Variants in RRP9 observed in about 807,000 individuals in gnomAD.
RRP9 encodes the protein U3 small nucleolar RNA-interacting protein 2.
Under a neutral mutation model 65.5 loss-of-function variants are expected in RRP9, and 35 were observed. The observed-to-expected ratio is 0.53, with a 90% CI of 0.41 to 0.71. The LOEUF is 0.71. Ranked by LOEUF, RRP9 falls within the 30% of genes least tolerant of loss-of-function variation. The pLI is 0.00. For missense variants in RRP9, 533 were observed against 633.6 expected (o/e 0.84, Z 1.70); for synonymous variants, 254 against 245.0 (o/e 1.04, Z -0.34).
rs755129508 is a variant in RRP9, at chr3:51,936,352, G to A, written c.643-3C>T. ...AGCTTGCTGCGGTCACCAGAGGCCT[G>A]CAGGGATGAAGACAATGATCACAGG... On this transcript the variant is annotated splice_region_variant and splice_polypyrimidine_tract_variant and intron_variant, in intron 7 of 14. Transcript: ENST00000232888. 4.3e-6 allele frequency: 7 copies of A among 1,614,080 alleles called. No individual in the cohort carries two copies. Among genetic ancestry groups the A allele is most frequent in the Non-Finnish European group, 5.9e-6 (7 of 1,180,038 alleles).
chr3:51,934,539 G>C lies in RRP9; in HGVS notation c.1193C>G (p.Ser398Cys). The change falls in exon 13 of 15, where the codon TCC (serine) becomes TGC (cysteine). Residue 398 changes from serine (S) to cysteine (C), a missense_variant. Physicochemically the swap from Ser to Cys is moderately radical, Grantham distance 112. This residue lies in a region of RRP9 where 449 missense variants were observed against 550.6 expected (regional missense o/e 0.82). Transcript: ENST00000232888. This position sits in a 1 kb window ranked among gnomAD's most constrained non-coding sequence, Gnocchi z 4.1. ...CCCACACTGCCAAAGCCGCACACAG[G>C]AGCTGTGGGAGCCTGGGGAGACTGG... ...TDLVATGSHS[S>C]CVRLWQCGEG... 1 of 1,614,106 alleles carries C rather than the reference G, an allele frequency of 6.2e-7. No homozygotes were observed. Among genetic ancestry groups the C allele is most frequent in the Non-Finnish European group, 8.5e-7 (1 of 1,179,968 alleles).
Position 51,935,741 on chromosome 3 carries a change from G to A in RRP9, c.736-49C>T, listed in dbSNP as rs1442926565. ...AAAGGGGACCTGGACTACAGCAGGC[G>A]AGAGACAGGTCAGGCCCAGGGAGGA... On this transcript the variant is annotated intron_variant, in intron 8 of 14. Coordinates refer to ENST00000232888, the MANE Select transcript of RRP9 (RefSeq NM_004704.5). The A allele has an allele frequency of 2.0e-5, 30 of 1,498,628 alleles. No individual in the cohort carries two copies. The East Asian group carries it at 2.0e-4, about 10-fold the overall frequency. 92.8% of individuals were successfully genotyped at this position (1,498,628 alleles called of 1,614,324 possible).
chr3:51,934,604 C>T lies in RRP9; in HGVS notation c.1180+27G>A. 1 of 1,613,902 alleles carries T rather than the reference C, an allele frequency of 6.2e-7. No homozygotes were observed. The highest frequency in any genetic ancestry group is 1.1e-5 in the South Asian group (1 of 91,080). On this transcript the variant is annotated intron_variant, in intron 12 of 14. Coordinates refer to ENST00000232888, the MANE Select transcript of RRP9 (RefSeq NM_004704.5). This position sits in a 1 kb window ranked among gnomAD's most constrained non-coding sequence, Gnocchi z 4.1. Reference sequence around the variant, plus strand: ...CCTGCACCGGCCCACCCGGCGACCCCTCCTCCCTGCCTCTCAGGGCACCCA... The same window carrying T: ...CCTGCACCGGCCCACCCGGCGACCCTTCCTCCCTGCCTCTCAGGGCACCCA...
chr3:51,933,484 TTAAA>T lies in RRP9; in HGVS notation c.*18_*21del. On this transcript the variant is annotated 3_prime_UTR_variant, in exon 15 of 15. Coordinates refer to ENST00000232888, the MANE Select transcript of RRP9 (RefSeq NM_004704.5). ...GGGTGGGGCATAGCCTGGGAAGGACTTAAATAAGGAGGATAAGAGTGTCAGGAAC... is the reference window on the plus strand; with the variant it reads ...GGGTGGGGCATAGCCTGGGAAGGACTTAAGGAGGATAAGAGTGTCAGGAAC... The T allele has an allele frequency of 1.3e-6, 2 of 1,597,906 alleles. No individual in the cohort carries two copies. The highest frequency in any genetic ancestry group is 1.7e-4 in the Middle Eastern group (1 of 6,012).
chr3:51,936,470 G>A lies in RRP9; in HGVS notation c.603C>T (p.His201=), dbSNP rs147286318. 4.3e-5 allele frequency: 69 copies of A among 1,614,238 alleles called. No homozygotes were observed. In the African/African-American group the frequency reaches 6.9e-4, roughly 16 times the overall value. The change falls in exon 7 of 15, where the codon CAC becomes CAT. Residue 201 remains histidine (H), a synonymous_variant. Coordinates refer to ENST00000232888, the MANE Select transcript of RRP9 (RefSeq NM_004704.5). ...AEGKPPGHSS[H]VLCMAISSDG... ...CGGAGGAGATGGCCATGCAGAGGAC[G>A]TGGCTGCTGTGGCCAGGGGGCTTTC...
At position 51,934,896 on chromosome 3, in the gene RRP9, C is replaced by T. The variant is rs1699435356; in HGVS notation, c.1035-120G>A. On this transcript the variant is annotated intron_variant, in intron 11 of 14. Coordinates refer to ENST00000232888, the MANE Select transcript of RRP9 (RefSeq NM_004704.5). This position sits in a 1 kb window ranked among gnomAD's most constrained non-coding sequence, Gnocchi z 4.1. ...CCCATTTCCCATGATGTGATTATTA[C>T]ATATTGCATGCCTGTATCAAAACAT... is the stretch of plus-strand genomic sequence containing the variant. 1 of 1,094,238 alleles carries T rather than the reference C, an allele frequency of 9.1e-7. No individual in the cohort carries two copies. Among genetic ancestry groups the T allele is most frequent in the African/African-American group, 1.6e-5 (1 of 63,370 alleles). 67.8% of individuals were successfully genotyped at this position (1,094,238 alleles called of 1,614,324 possible).
At chr3:51,939,959 A>C (rs1299488828) in intron 2 of RRP9, among the ~76,000 whole-genome samples, 1 of 152,256 alleles carries the variant, frequency 6.6e-6, no homozygotes, top group Non-Finnish European at 1.5e-5. Context: ...CTTCGGATTA[A>C]GAAAAGTACA....
chr3:51,941,544 T>C, intron 1 of RRP9, 53 bp from the exon 2 acceptor site: 1 of 1,514,960 alleles, frequency 6.6e-7, no homozygotes, highest in South Asian at 1.1e-5. Flanking sequence ...ACCCTGGCAT[T>C]GACCAAGGGC....
chr3:51,941,702 G>C lies in RRP9; in HGVS notation c.87+79C>G, dbSNP rs323866. 20,710 of 1,339,220 alleles carry C rather than the reference G, an allele frequency of 0.015. 2,390 individuals carry two copies. In the African/African-American group the frequency reaches 0.25, roughly 16 times the overall value. The allele number at this position is 1,339,220 out of a possible 1,614,324, so 83.0% of individuals were successfully genotyped here. ...CAGGGCGAAGGGCTGGGGAAGGGCCGGGACCCAGGTCCCCTGGATGGGATG... is the reference window on the plus strand; with the variant it reads ...CAGGGCGAAGGGCTGGGGAAGGGCCCGGACCCAGGTCCCCTGGATGGGATG... On this transcript the variant is annotated intron_variant, in intron 1 of 14. Coordinates refer to ENST00000232888, the MANE Select transcript of RRP9 (RefSeq NM_004704.5).
intron 1 of RRP9, 63 bp from the exon 2 acceptor site, chr3:51,941,554 C>CCA: frequency 1.1e-6 from 1 of 932,026 alleles, no homozygotes; most frequent in African/African-American, 2.2e-5. Context: ...TGACCAAGGG[C>CCA]CCCCCCCCCT....
In RRP9 at chr3:51,935,673, C is replaced by G; in HGVS notation, c.755G>C (p.Gly252Ala). The G allele has an allele frequency of 6.2e-7, 1 of 1,614,106 alleles. No homozygotes were observed. Among genetic ancestry groups the G allele is most frequent in the Non-Finnish European group, 8.5e-7 (1 of 1,179,998 alleles). Residue 252 changes from glycine to alanine, a missense_variant, in exon 9 of 15, where the codon GGC becomes GCC. Coordinates refer to ENST00000232888, the MANE Select transcript of RRP9 (RefSeq NM_004704.5). Reference sequence around the variant, plus strand: ...GGATGTGCTGTAGAGCTGGTGGGTGCCTCTGCGGAATGCCAGACCCTAAGG... The same window carrying G: ...GGATGTGCTGTAGAGCTGGTGGGTGGCTCTGCGGAATGCCAGACCCTAAGG... ...DAVSGLAFRR[G>A]THQLYSTSHD...
In RRP9 at chr3:51,933,607, G is replaced by A; in HGVS notation, c.1335-8C>T. On this transcript the variant is annotated splice_polypyrimidine_tract_variant and splice_region_variant and intron_variant, in intron 14 of 14. Transcript: ENST00000232888. Reference sequence around the variant, plus strand: ...CTCCACCATCGGCCAAGCCTGCAGGGAGTGCAAGACGCAGCTGAGACTCGG... The same window carrying A: ...CTCCACCATCGGCCAAGCCTGCAGGAAGTGCAAGACGCAGCTGAGACTCGG... 2 of 1,613,776 alleles carry A rather than the reference G, an allele frequency of 1.2e-6. No homozygotes were observed. The highest frequency in any genetic ancestry group is 1.7e-6 in the Non-Finnish European group (2 of 1,179,764).
intron 14 of RRP9, 48 bp from the exon 15 acceptor site, chr3:51,933,647 C>T (rs772041185): frequency 1.9e-6 from 3 of 1,611,236 alleles, no homozygotes; most frequent in Non-Finnish European, 2.5e-6. Flanking sequence ...GTCTCCACCC[C>T]ATTTCCACCG....
chr3:51,933,498 T>A lies in RRP9; in HGVS notation c.*8A>T, dbSNP rs555151918. 46 of 1,610,024 alleles carry A rather than the reference T, an allele frequency of 2.9e-5. 1 individual carries two copies. The South Asian group carries it at 4.7e-4, about 17-fold the overall frequency. ...CTGGGAAGGACTTAAATAAGGAGGA[T>A]AAGAGTGTCAGGAACCAGCAGCTGG... On this transcript the variant is annotated 3_prime_UTR_variant, in exon 15 of 15. Transcript: ENST00000232888.
In RRP9 at chr3:51,937,357, T is replaced by C. The variant is rs547749537; in HGVS notation, c.391-39A>G. ...GGCCAGGTCACTGTGGCTAGTGGCA[T>C]AAAGGCACTACCTTCACCAACCCCA... On this transcript the variant is annotated intron_variant, in intron 5 of 14. Coordinates refer to ENST00000232888, the MANE Select transcript of RRP9 (RefSeq NM_004704.5). This position sits in a 1 kb window ranked among gnomAD's most constrained non-coding sequence, Gnocchi z 5.0. 6.2e-7 allele frequency: 1 copy of C among 1,613,406 alleles called. No homozygotes were observed. The highest frequency in any genetic ancestry group is 1.3e-5 in the African/African-American group (1 of 75,030).
Position 51,933,801 on chromosome 3 carries a change from G to A in RRP9, c.1261-20C>T, listed in dbSNP as rs547113565. On this transcript the variant is annotated intron_variant, in intron 13 of 14. Coordinates refer to ENST00000232888, the MANE Select transcript of RRP9 (RefSeq NM_004704.5). ...ACCCACCTGAGCAGAAAGACAACAC[G>A]GAAAGACATTAGAACGCCCCCCGCC... is the stretch of plus-strand genomic sequence containing the variant. The A allele has an allele frequency of 3.0e-5, 48 of 1,612,748 alleles. No homozygotes were observed. The Admixed American group carries it at 5.0e-4, about 17-fold the overall frequency.
chr3:51,937,865 C>A lies in RRP9; in HGVS notation c.281-129G>T. On this transcript the variant is annotated intron_variant, in intron 3 of 14. Transcript: ENST00000232888. This position sits in a 1 kb window ranked among gnomAD's most constrained non-coding sequence, Gnocchi z 5.0. The stretch of plus-strand genomic sequence containing the variant: ...CCAGCTGCCTCAGCAGAGGGGAGGG[C>A]AAGCTGGAGGGTTTCCTCCTGCCTT... The A allele has an allele frequency of 8.4e-7, 1 of 1,183,588 alleles. No homozygotes were observed. Among genetic ancestry groups the A allele is most frequent in the Non-Finnish European group, 1.2e-6 (1 of 829,646 alleles). The allele number at this position is 1,183,588 out of a possible 1,614,324, so 73.3% of individuals were successfully genotyped here. A position where few individuals can be genotyped will look rare whatever the true frequency, so the allele number is the denominator to read the frequency against.
In RRP9 at chr3:51,935,631, T is replaced by C. The variant is rs967504043; in HGVS notation, c.797A>G (p.Lys266Arg). The C allele has an allele frequency of 1.2e-6, 2 of 1,614,024 alleles. No individual in the cohort carries two copies. The highest frequency in any genetic ancestry group is 1.7e-5 in the Admixed American group (1 of 60,008). Residue 266 changes from lysine to arginine, a missense_variant, in exon 9 of 15, where the codon AAG becomes AGG. Physicochemically the swap from Lys to Arg is conservative, Grantham distance 26. Transcript: ENST00000232888. ...GGAGTTCTCTGCCACATTCCACACC[T>C]TCACGGAGCGATCGTGGGATGTGCT... The part of the protein sequence containing the change: ...LYSTSHDRSV[K>R]VWNVAENSYV...
At position 51,933,480 on chromosome 3, in the gene RRP9, G is replaced by A; in HGVS notation, c.*26C>T. On this transcript the variant is annotated 3_prime_UTR_variant, in exon 15 of 15. Transcript: ENST00000232888. Reference sequence around the variant, plus strand: ...AAGAGGGTGGGGCATAGCCTGGGAAGGACTTAAATAAGGAGGATAAGAGTG... The same window carrying A: ...AAGAGGGTGGGGCATAGCCTGGGAAAGACTTAAATAAGGAGGATAAGAGTG... 1 of 1,585,128 alleles carries A rather than the reference G, an allele frequency of 6.3e-7. No homozygotes were observed. The highest frequency in any genetic ancestry group is 2.2e-5 in the East Asian group (1 of 44,708).
Sources: allele counts gnomAD v4.1 joint callset (sites outside exome capture counted in the v4.1 genomes callset), GRCh38; gene constraint gnomAD v4.1.1; regional missense constraint gnomAD v4.1.1; non-coding constraint Gnocchi (gnomAD v3.1); transcripts MANE v1.5; gene names NCBI Gene and HGNC (gene_info 2026-07-23, HGNC 2026-07-21).